The following PLTP variants were observed in gnomAD, a reference collection of about 807,000 sequenced individuals.
The protein encoded by PLTP is BPI fold containing family E.
In PLTP, 43 loss-of-function variants were observed where a neutral mutation model predicts 54.1. That is an observed-to-expected ratio of 0.79 (90% CI 0.62 to 1.02). The LOEUF (loss-of-function observed/expected upper bound fraction) is 1.02, where lower values mean the gene tolerates loss of function less well. PLTP is among the 50% of genes least tolerant of loss of function. The pLI, the probability that PLTP is intolerant of heterozygous loss-of-function variation, is 0.00. For missense variants in PLTP, 604 were observed against 645.9 expected (o/e 0.94, Z 0.70); for synonymous variants, 263 against 264.6 (o/e 0.99, Z 0.06).
intron 2 of PLTP, 45 bp from the exon 3 acceptor site, chr20:45,911,296 T>A (rs1010106773): frequency 6.2e-7 from 1 of 1,613,400 alleles, no homozygotes; most frequent in African/African-American, 1.3e-5. Flanking sequence ...TGCCCACTGT[T>A]GGGGCGACCC....
chr20:45,900,002 A>C (rs1363414443), intron 12 of PLTP, 124 bp from the exon 13 acceptor site: 1 of 802,778 alleles, frequency 1.2e-6, no homozygotes, highest in Non-Finnish European at 2.1e-6. Flanking sequence ...GCACCTTTCC[A>C]AGTGCTACAA....
intron 10 of PLTP, 72 bp from the exon 11 acceptor site, chr20:45,902,676 G>C: frequency 6.8e-7 from 1 of 1,468,240 alleles, no homozygotes; most frequent in South Asian, 1.3e-5. Context: ...AGAAGGGGAA[G>C]GAAGGCAGGT....
intron 1 of PLTP, 142 bp from the exon 2 acceptor site, chr20:45,911,605 A>G: frequency 1.8e-6 from 2 of 1,132,096 alleles, no homozygotes. Context: ...TCTTGCCTCC[A>G]TATGGCAGAT....
intron 3 of PLTP, 196 bp downstream of exon 3, chr20:45,910,956 C>A: frequency 1.1e-5 from 16 of 1,459,682 alleles, no homozygotes; most frequent in Non-Finnish European, 1.4e-5. Context: ...CCACGCCCAT[C>A]TGCCTGGTCC....
At position 45,898,996 on chromosome 20, in the gene PLTP, C is replaced by T. The variant is rs754033148; in HGVS notation, c.1427G>A (p.Arg476Gln). Residue 476 changes from arginine to glutamine, a missense_variant, in exon 16 of 16, where the codon CGG (arginine) becomes CAG (glutamine). Coordinates refer to ENST00000372431, the MANE Select transcript of PLTP (RefSeq NM_006227.4). The surrounding 1 kb of genome is among the most constrained non-coding windows in gnomAD (Gnocchi z 4.6). Reference protein sequence around the residue: ...KGLREVIEKNRPADVRASTAP... With the variant: ...KGLREVIEKNQPADVRASTAP... ...AGTGGACGCCCTGACATCAGCAGGC[C>T]GGTTCTTCTCAATCACCTCTCGCAG... is the stretch of plus-strand genomic sequence containing the variant. 21 of 1,613,968 alleles carry T rather than the reference C, an allele frequency of 1.3e-5. No individual in the cohort carries two copies. The highest frequency in any genetic ancestry group is 4.4e-5 in the South Asian group (4 of 91,080).
chr20:45,900,430 G>A (rs2083173825), intron 12 of PLTP, among the ~76,000 whole-genome samples: 1 of 152,014 alleles, frequency 6.6e-6, no homozygotes, highest in Non-Finnish European at 1.5e-5. Context: ...TAATGTGCCA[G>A]ACTTCTGCTG....
In PLTP at chr20:45,902,421, C is replaced by G; in HGVS notation, c.1107+19G>C. 1 of 1,614,214 alleles carries G rather than the reference C, an allele frequency of 6.2e-7. No homozygotes were observed. On this transcript the variant is annotated intron_variant, in intron 11 of 15. Transcript: ENST00000372431. ...TTTCCCTGACCCCCAGCCAGCAGCCCCCACTCTGGGACCCGTACCATAGTC... is the reference window on the plus strand; with the variant it reads ...TTTCCCTGACCCCCAGCCAGCAGCCGCCACTCTGGGACCCGTACCATAGTC...
intron 1 of PLTP, chr20:45,911,766 A>C: frequency 1.3e-5 from 6 of 466,908 alleles, no homozygotes; most frequent in Non-Finnish European, 1.2e-5. Context: ...ACCCCCAACA[A>C]CCTCCCCTTT....
chr20:45,909,906 CCA>C lies in PLTP; in HGVS notation c.329+34_329+35del, dbSNP rs770536115. The stretch of plus-strand genomic sequence containing the variant: ...CCACAGCACCTCCAGCCCTCCTGAC[CCA>C]CTCTCCACTCCCCTGAGGGTGCTGG... On this transcript the variant is annotated intron_variant, in intron 4 of 15. Coordinates refer to ENST00000372431, the MANE Select transcript of PLTP (RefSeq NM_006227.4). 33 of 1,612,922 alleles carry C rather than the reference CCA, an allele frequency of 2.0e-5. No individual in the cohort carries two copies. In the South Asian group the frequency reaches 2.9e-4, roughly 14 times the overall value.
At position 45,907,737 on chromosome 20, in the gene PLTP, G is replaced by T. The variant is rs781736822; in HGVS notation, c.568C>A (p.His190Asn). 1.2e-6 allele frequency: 2 copies of T among 1,613,832 alleles called. No homozygotes were observed. Among genetic ancestry groups the T allele is most frequent in the Admixed American group, 3.3e-5 (2 of 59,970 alleles). ...GAGTTGAGCAGGACCGTCCCTGCGT[G>T]GTAGAGGACAGGGCAGATCTGCGAG... ...LNQQICPVLY[H>N]AGTVLLNSLL... is the part of the protein sequence containing the mutation. The change falls in exon 7 of 16, where the codon CAC (histidine) becomes AAC (asparagine). Residue 190 changes from histidine to asparagine, a missense_variant. Transcript: ENST00000372431.
chr20:45,904,698 C>G (rs927956635), intron 10 of PLTP, 102 bp downstream of exon 10: 1 of 1,061,602 alleles, frequency 9.4e-7, no homozygotes, highest in Admixed American at 1.7e-5. Flanking sequence ...GACAAGAGGC[C>G]AGGGCCCTGT....
intron 10 of PLTP, among the ~76,000 whole-genome samples, chr20:45,904,528 T>C (rs1009982244): frequency 2.0e-5 from 3 of 152,106 alleles, no homozygotes; most frequent in Admixed American, 1.3e-4. Flanking sequence ...TAAACAAAAG[T>C]ATATGTGAAT....
chr20:45,904,847 G>A lies in PLTP; in HGVS notation c.895C>T (p.Leu299=), dbSNP rs762949278. 1.2e-6 allele frequency: 2 copies of A among 1,614,234 alleles called. No homozygotes were observed. Among genetic ancestry groups the A allele is most frequent in the South Asian group, 1.1e-5 (1 of 91,084 alleles). ...LLVGDKVPHD[L]DMLLRATYFG... is the part of the protein sequence containing the mutation. The stretch of plus-strand genomic sequence containing the variant: ...TAGGTGGCCCTCAGCAGCATGTCCA[G>A]GTCGTGGGGCACCTGAACAGGGGAA... Residue 299 remains leucine (L), a synonymous_variant, in exon 10 of 16, where the codon CTG becomes TTG. Transcript: ENST00000372431.
chr20:45,902,208 C>A, intron 12 of PLTP, 59 bp downstream of exon 12: 1 of 1,558,668 alleles, frequency 6.4e-7, no homozygotes, highest in Non-Finnish European at 8.8e-7. Flanking sequence ...CGCAACATCC[C>A]TGTGGACAGG....
chr20:45,900,098 C>CTTTTTTTTTT (rs71181874), intron 12 of PLTP, among the ~76,000 whole-genome samples: 1 of 55,746 alleles, frequency 1.8e-5, no homozygotes, highest in Non-Finnish European at 3.3e-5. Context: ...TTGAGCACCT[C>CTTTTTTTTTT]TTTTTTTTTT....
Position 45,907,112 on chromosome 20 carries a change from A to T in PLTP, c.613+580T>A, listed in dbSNP as rs535363280. Reference sequence around the variant, plus strand: ...GGGAGGCCAAGGTGGGCAGATCAGGAGGTCAGGAGATCGAGACCATCCCGG... The same window carrying T: ...GGGAGGCCAAGGTGGGCAGATCAGGTGGTCAGGAGATCGAGACCATCCCGG... On this transcript the variant is annotated intron_variant, in intron 7 of 15. Coordinates refer to ENST00000372431, the MANE Select transcript of PLTP (RefSeq NM_006227.4). Among the ~76,000 whole-genome samples, 23 of 88,880 alleles carry T rather than the reference A, an allele frequency of 2.6e-4. 4 individuals carry two copies. In the South Asian group the frequency reaches 4.5e-3, roughly 17 times the overall value. 58.3% of individuals were successfully genotyped at this position (88,880 alleles called of 152,430 possible).
Position 45,902,344 on chromosome 20 carries a change from C to G in PLTP, c.1108-10G>C, listed in dbSNP as rs2083194269. ...CGCTGAGACGGGCGTCCTGCAGGAACATGGGGAGGAGGATGTTACTGACCC... is the reference window on the plus strand; with the variant it reads ...CGCTGAGACGGGCGTCCTGCAGGAAGATGGGGAGGAGGATGTTACTGACCC... On this transcript the variant is annotated splice_polypyrimidine_tract_variant and intron_variant, in intron 11 of 15. Coordinates refer to ENST00000372431, the MANE Select transcript of PLTP (RefSeq NM_006227.4). 1 of 1,614,092 alleles carries G rather than the reference C, an allele frequency of 6.2e-7. No individual in the cohort carries two copies. Among genetic ancestry groups the G allele is most frequent in the Non-Finnish European group, 8.5e-7 (1 of 1,180,048 alleles).
rs139197557 is a variant in PLTP, at chr20:45,904,992, C to G, written c.832G>C (p.Glu278Gln). The G allele has an allele frequency of 8.0e-4, 1,284 of 1,614,238 alleles. 1 individual carries two copies. The highest frequency in any genetic ancestry group is 1.0e-3 in the Non-Finnish European group (1,231 of 1,180,044). ...FSEFFFDSAMESYFRAGALQL... is the reference protein window; with the variant it reads ...FSEFFFDSAMQSYFRAGALQL... ...AGGGCCCCCGCCCGGAAGTAGCTCT[C>G]CATGGCAGAGTCGAAGAAGAACTCA... The change falls in exon 9 of 16, where the codon GAG becomes CAG. Residue 278 changes from glutamate to glutamine, a missense_variant. Coordinates refer to ENST00000372431, the MANE Select transcript of PLTP (RefSeq NM_006227.4).
In PLTP at chr20:45,899,776, G is replaced by A. The variant is rs572392262; in HGVS notation, c.1218+60C>T. On this transcript the variant is annotated intron_variant, in intron 13 of 15. Transcript: ENST00000372431. ...GGTGAGCAGTTATATGAGGAGGGGG[G>A]GATGGTGAGGGTCAGGATCTCACGA... is the stretch of plus-strand genomic sequence containing the variant. 1.1e-5 allele frequency: 18 copies of A among 1,586,056 alleles called. No homozygotes were observed. In the Admixed American group the frequency reaches 3.2e-4, roughly 28 times the overall value.
Sources: allele counts gnomAD v4.1 joint callset (sites outside exome capture counted in the v4.1 genomes callset), GRCh38; gene constraint gnomAD v4.1.1; non-coding constraint Gnocchi (gnomAD v3.1); transcripts MANE v1.5; gene names NCBI Gene and HGNC (gene_info 2026-07-23, HGNC 2026-07-21).